CLDN16: variants seen among roughly 807,000 people sequenced by gnomAD.
CLDN16 encodes the protein claudin-16.
In CLDN16, 13 loss-of-function variants were observed where a neutral mutation model predicts 24.6. The observed-to-expected ratio is 0.53, with a 90% CI of 0.34 to 0.84. The LOEUF (loss-of-function observed/expected upper bound fraction) is 0.84, where lower values mean the gene tolerates loss of function less well. CLDN16 is among the 40% of genes least tolerant of loss of function. The pLI, the probability that CLDN16 is intolerant of heterozygous loss-of-function variation, is 0.01. For missense variants in CLDN16, 298 were observed against 292.7 expected, an observed-to-expected ratio of 1.02 and a Z score of -0.13; for synonymous variants, 116 against 106.7, an observed-to-expected ratio of 1.09 and a Z score of -0.54.
chr3:190,297,356 C>T, the CLDN16 span, among the ~76,000 whole-genome samples: 7 of 150,562 alleles, frequency 4.6e-5, no homozygotes, highest in South Asian at 2.1e-4. Flanking sequence ...TATTTGAAAA[C>T]GGGGAAAGGA....
intron 1 of CLDN16, among the ~76,000 whole-genome samples, chr3:190,366,861 T>C (rs1177100969): frequency 2.0e-5 from 3 of 151,922 alleles, no homozygotes; most frequent in African/African-American, 7.2e-5. Context: ...GAGTATCTTA[T>C]TCCTGCAGAG....
At chr3:190,368,069 G>A (rs1718061492) in intron 1 of CLDN16, among the ~76,000 whole-genome samples, 1 of 151,934 alleles carries the variant, frequency 6.6e-6, no homozygotes, top group East Asian at 1.9e-4. Flanking sequence ...CAGCCTTTAA[G>A]ATAGCCCTCA....
intron 1 of CLDN16, among the ~76,000 whole-genome samples, chr3:190,353,471 G>A (rs567075837): frequency 6.6e-6 from 1 of 151,870 alleles, no homozygotes; most frequent in Non-Finnish European, 1.5e-5. Flanking sequence ...ATGTACCCCA[G>A]GAATATGTAT....
chr3:190,363,484 A>G (rs1380508246), intron 1 of CLDN16, among the ~76,000 whole-genome samples: 4 of 146,276 alleles, frequency 2.7e-5, no homozygotes, highest in Non-Finnish European at 6.0e-5. Context: ...ATTGTTGGTC[A>G]CATATTTCTG....
chr3:190,393,671 G>C (rs939548025), intron 1 of CLDN16, among the ~76,000 whole-genome samples: 2 of 151,052 alleles, frequency 1.3e-5, no homozygotes, highest in Admixed American at 1.3e-4. Flanking sequence ...GAAATATAAG[G>C]TTTAAATTCT....
At chr3:190,323,310 C>T (rs1253517968) in intron 1 of CLDN16, among the ~76,000 whole-genome samples, 2 of 152,160 alleles carry the variant, frequency 1.3e-5, no homozygotes, top group Admixed American at 6.5e-5. Context: ...AAATGTTGTT[C>T]GTCGCAGGTG....
intron 1 of CLDN16, among the ~76,000 whole-genome samples, chr3:190,399,701 T>A (rs7625694): frequency 0.8 from 121,338 of 152,032 alleles, 48,554 homozygotes; most frequent in East Asian, 0.89. Context: ...TTTCTAGCTA[T>A]TTGAAATTAT....
At chr3:190,359,894 G>A (rs977724727) in intron 1 of CLDN16, among the ~76,000 whole-genome samples, 5 of 152,002 alleles carry the variant, frequency 3.3e-5, no homozygotes, top group Admixed American at 2.0e-4. Context: ...AAGGAGCTAT[G>A]AGGCTCGATG....
intron 1 of CLDN16, among the ~76,000 whole-genome samples, chr3:190,325,729 G>A (rs564518551): frequency 2.0e-5 from 3 of 152,162 alleles, no homozygotes; most frequent in Non-Finnish European, 2.9e-5. Flanking sequence ...AATGATGACA[G>A]TATGAAAGCC....
At chr3:190,373,256 C>G (rs6762113) in intron 2 of CLDN16, among the ~76,000 whole-genome samples, 30,437 of 151,786 alleles carry the variant, frequency 0.2, 3,520 homozygotes, top group East Asian at 0.45. Flanking sequence ...GTTTCTAGAG[C>G]CTTAGTCCAT....
chr3:190,403,274 G>A (rs1457084466), intron 2 of CLDN16, among the ~76,000 whole-genome samples: 1 of 151,906 alleles, frequency 6.6e-6, no homozygotes, highest in South Asian at 2.1e-4. Context: ...AGAGGTTACA[G>A]TGAGCCGAGA....
intron 1 of CLDN16, among the ~76,000 whole-genome samples, chr3:190,335,244 A>C (rs1717274937): frequency 6.6e-6 from 1 of 151,500 alleles, no homozygotes; most frequent in Non-Finnish European, 1.5e-5. Flanking sequence ...GAGTTTCACC[A>C]CGTTGGCCAG....
At position 190,410,765 on chromosome 3, in the gene CLDN16, A is replaced by G. The variant is rs1463199087; in HGVS notation, c.*729A>G. ...TGCTGATATATTGCCAAATGATTAG[A>G]CTACAGAATAGTTCAACCAGAGAAT... On this transcript the variant is annotated 3_prime_UTR_variant, in exon 5 of 5. Transcript: ENST00000264734. 6.6e-6 allele frequency: 1 copy of G among 152,178 alleles called. No homozygotes were observed. The highest frequency in any genetic ancestry group is 1.5e-5 in the Non-Finnish European group (1 of 68,058). 9.4% of individuals were successfully genotyped at this position (152,178 alleles called of 1,614,324 possible). A position where few individuals can be genotyped will look rare whatever the true frequency, so the allele number is the denominator to read the frequency against.
intron 1 of CLDN16, among the ~76,000 whole-genome samples, chr3:190,361,633 G>T (rs1439372269): frequency 6.6e-6 from 1 of 151,944 alleles, no homozygotes; most frequent in Non-Finnish European, 1.5e-5. Context: ...GATACAAGAG[G>T]TAGATAGAAA....
intron 4 of CLDN16, among the ~76,000 whole-genome samples, chr3:190,409,286 A>ATATGCACACATGTATATGTATGTATG (rs1719206424): frequency 6.6e-6 from 1 of 152,050 alleles, no homozygotes; most frequent in Non-Finnish European, 1.5e-5. Flanking sequence ...ATGTATGTAT[A>ATATGCACACATGTATATGTATGTATG]TATGCACACA....
At chr3:190,291,895 C>T in the CLDN16 span, among the ~76,000 whole-genome samples, 2 of 152,180 alleles carry the variant, frequency 1.3e-5, no homozygotes, top group Non-Finnish European at 2.9e-5. Flanking sequence ...ATCCCCTTGA[C>T]TCCATGTCTC....
chr3:190,302,846 A>G, the CLDN16 span, among the ~76,000 whole-genome samples: 1 of 151,098 alleles, frequency 6.6e-6, no homozygotes, highest in Non-Finnish European at 1.5e-5. Flanking sequence ...TGGTAAGAGT[A>G]TATTACCATA....
chr3:190,337,169 A>G (rs1717329977), intron 1 of CLDN16, among the ~76,000 whole-genome samples: 1 of 152,250 alleles, frequency 6.6e-6, no homozygotes, highest in South Asian at 2.1e-4. Flanking sequence ...ATGGGAAAAT[A>G]CAAACAGGAG....
intron 1 of CLDN16, among the ~76,000 whole-genome samples, chr3:190,323,965 G>C (rs1211100557): frequency 6.6e-6 from 1 of 152,106 alleles, no homozygotes; most frequent in East Asian, 1.9e-4. Flanking sequence ...GTTAGGGCCT[G>C]CAGTCAGTAC....
Sources: gnomAD v4.1 joint callset for allele counts (sites outside exome capture counted in the v4.1 genomes callset) on GRCh38, gnomAD v4.1.1 for gene constraint, MANE v1.5 for transcripts, NCBI Gene and HGNC (gene_info 2026-07-23, HGNC 2026-07-21) for gene names.